Variants in PHACTR4 observed in about 807,000 individuals in gnomAD.
PHACTR4 encodes phosphatase and actin regulator 4.
Under a neutral mutation model 72.7 loss-of-function variants are expected in PHACTR4, and 51 were observed. The ratio of observed to expected loss-of-function variants is 0.70; its 90% CI spans 0.56 to 0.89. The LOEUF is 0.89. Ranked by LOEUF, PHACTR4 falls within the 40% of genes least tolerant of loss-of-function variation. The probability of loss-of-function intolerance (pLI) is 0.00; values close to 1 mark genes in which losing one functional copy is unlikely to be tolerated. For synonymous variants in PHACTR4, 255 were observed against 302.5 expected (o/e 0.84, Z 1.63); for missense variants, 731 against 861.8 (o/e 0.85, Z 1.90).
chr1:28,490,128 A>G (rs898908937), intron 10 of PHACTR4, among the ~76,000 whole-genome samples: 1 of 152,226 alleles, frequency 6.6e-6, no homozygotes, highest in Non-Finnish European at 1.5e-5. Context: ...TGTGAAGACT[A>G]TTCTTAGTTC....
intron 2 of PHACTR4, among the ~76,000 whole-genome samples, chr1:28,441,824 G>A (rs1033329336): frequency 1.3e-5 from 2 of 151,870 alleles, no homozygotes; most frequent in African/African-American, 4.8e-5. Context: ...GGGCAACACC[G>A]TTTCTACAAA....
intron 2 of PHACTR4, among the ~76,000 whole-genome samples, chr1:28,431,578 T>G (rs1476228150): frequency 6.6e-6 from 1 of 152,016 alleles, no homozygotes; most frequent in Non-Finnish European, 1.5e-5. Flanking sequence ...CAGTAAAAGC[T>G]TACCGTGATC....
chr1:28,419,095 A>G (rs1655325524), intron 2 of PHACTR4, among the ~76,000 whole-genome samples: 1 of 136,670 alleles, frequency 7.3e-6, no homozygotes. Flanking sequence ...TAACATGCCA[A>G]TTTATAGCTA....
At chr1:28,395,162 C>CT (rs1653393608) in intron 1 of PHACTR4, among the ~76,000 whole-genome samples, 2 of 152,170 alleles carry the variant, frequency 1.3e-5, no homozygotes, top group African/African-American at 4.8e-5. Flanking sequence ...ATCTGCCTGC[C>CT]TTGGCCTCCT....
intron 2 of PHACTR4, among the ~76,000 whole-genome samples, chr1:28,433,993 T>G (rs1656467271): frequency 1.3e-5 from 2 of 151,514 alleles, no homozygotes; most frequent in South Asian, 4.2e-4. Flanking sequence ...TTGGTCAGGC[T>G]CTTCTTGAAC....
At chr1:28,479,492 A>T (rs1175033200) in intron 8 of PHACTR4, among the ~76,000 whole-genome samples, 1 of 148,272 alleles carries the variant, frequency 6.7e-6, no homozygotes, top group East Asian at 2.1e-4. Context: ...CTGAGGCAGG[A>T]GAATTGCTTG....
chr1:28,378,339 T>TAAAA (rs564072221), intron 1 of PHACTR4, among the ~76,000 whole-genome samples: 2 of 134,986 alleles, frequency 1.5e-5, no homozygotes, highest in African/African-American at 5.5e-5. Context: ...CCGTCTCTAC[T>TAAAA]AAAAAAAAAA....
intron 8 of PHACTR4, among the ~76,000 whole-genome samples, chr1:28,477,871 A>G (rs1022000381): frequency 3.3e-5 from 5 of 151,480 alleles, no homozygotes; most frequent in East Asian, 3.9e-4. Flanking sequence ...ATTTTTTTAT[A>G]GAGACAGCGT....
chr1:28,374,380 CTT>C (rs2124099917), intron 1 of PHACTR4, among the ~76,000 whole-genome samples: 1 of 152,260 alleles, frequency 6.6e-6, no homozygotes, highest in South Asian at 2.1e-4. Context: ...TTAATAAAAA[CTT>C]TTAATCAGTT....
At chr1:28,456,688 C>G (rs1339204027) in intron 2 of PHACTR4, among the ~76,000 whole-genome samples, 1 of 151,494 alleles carries the variant, frequency 6.6e-6, no homozygotes, top group Non-Finnish European at 1.5e-5. Flanking sequence ...TCTTTCTTTA[C>G]CTAAAAAAGA....
intron 2 of PHACTR4, among the ~76,000 whole-genome samples, chr1:28,430,658 C>A (rs182984827): frequency 1.6e-3 from 238 of 152,240 alleles, no homozygotes; most frequent in Non-Finnish European, 2.9e-3. Context: ...TGTTGGTCAT[C>A]ACGTCCTAGA....
intron 1 of PHACTR4, among the ~76,000 whole-genome samples, chr1:28,398,247 G>A (rs916736885): frequency 1.3e-5 from 2 of 152,146 alleles, no homozygotes; most frequent in Admixed American, 6.6e-5. Flanking sequence ...GTGGCTGGCC[G>A]GGGTGGCTCA....
rs992170403 is a variant in PHACTR4 at position 28,485,579 on chromosome 1, ACT to A, written c.1761-3588_1761-3587del. Among the ~76,000 whole-genome samples the A allele has an allele frequency of 2.0e-5, 3 of 150,640 alleles. No homozygotes were observed. In the South Asian group the frequency reaches 6.3e-4, roughly 32 times the overall value. ...ACTCCAGCCTGGGCAACAGAGTGAG[ACT>A]CTGTCTCAATCAATCAGTCAATAGT... On this transcript the variant is annotated intron_variant, in intron 9 of 13. Coordinates refer to ENST00000373839, the MANE Select transcript of PHACTR4 (RefSeq NM_001048183.3).
chr1:28,434,324 CTT>C (rs67495104), intron 2 of PHACTR4, among the ~76,000 whole-genome samples: 49 of 143,332 alleles, frequency 3.4e-4, no homozygotes, highest in Admixed American at 3.5e-4. Context: ...AGAATCCTTT[CTT>C]TTTTTTTTTT....
chr1:28,468,362 G>A (rs1319143952), intron 6 of PHACTR4, among the ~76,000 whole-genome samples: 1 of 152,088 alleles, frequency 6.6e-6, no homozygotes, highest in Non-Finnish European at 1.5e-5. Flanking sequence ...AGGCAGAGGC[G>A]GGTGGATCAC....
At chr1:28,370,192 C>T (rs1651122790) in intron 1 of PHACTR4, among the ~76,000 whole-genome samples, 1 of 152,158 alleles carries the variant, frequency 6.6e-6, no homozygotes, top group Non-Finnish European at 1.5e-5. Flanking sequence ...GGACTGCTCC[C>T]TGGGGATCCG....
At chr1:28,425,113 A>G (rs1655756292) in intron 2 of PHACTR4, among the ~76,000 whole-genome samples, 1 of 149,430 alleles carries the variant, frequency 6.7e-6, no homozygotes, top group South Asian at 2.1e-4. Flanking sequence ...AATTTTATTT[A>G]TTTATTTATG....
At chr1:28,369,865 C>T (rs1327353711) in intron 1 of PHACTR4, 40 bp downstream of exon 1, 1 of 430,288 alleles carries the variant, frequency 2.3e-6, no homozygotes, top group Non-Finnish European at 4.6e-6. Context: ...AGGACGCGCT[C>T]AGTATCAGGC....
At chr1:28,406,558 G>A (rs11809444) in intron 1 of PHACTR4, among the ~76,000 whole-genome samples, 13,258 of 152,126 alleles carry the variant, frequency 0.087, 1,241 homozygotes, top group African/African-American at 0.24. Flanking sequence ...TTGCTAGTAC[G>A]AGTAGCCCAT....
Sources: gnomAD v4.1 joint callset for allele counts (sites outside exome capture counted in the v4.1 genomes callset) on GRCh38, gnomAD v4.1.1 for gene constraint, MANE v1.5 for transcripts, NCBI Gene and HGNC (gene_info 2026-07-23, HGNC 2026-07-21) for gene names.